The following BEND3 variants were observed in gnomAD, a reference collection of about 807,000 sequenced individuals.
BEND3 encodes BEN domain containing 3.
Under a neutral mutation model 60.1 loss-of-function variants are expected in BEND3, and 13 were observed. The observed-to-expected ratio is 0.22, with a 90% CI of 0.14 to 0.34. The LOEUF (loss-of-function observed/expected upper bound fraction) is 0.34. BEND3 is among the 10% of genes least tolerant of loss of function. BEND3 has a pLI of 1.00. For missense variants in BEND3, 896 were observed against 1,138.1 expected (o/e 0.79, Z 3.06); for synonymous variants, 497 against 491.5 (o/e 1.01, Z -0.15).
rs1317369669 is a variant in BEND3 at position 107,107,939 on chromosome 6, C to A, written c.-12+7151G>T. Among the ~76,000 whole-genome samples, 6 of 152,226 alleles carry A rather than the reference C, an allele frequency of 3.9e-5. No individual in the cohort carries two copies. In the East Asian group the frequency reaches 1.2e-3, roughly 29 times the overall value. On this transcript the variant is annotated intron_variant, in intron 1 of 3. Coordinates refer to ENST00000369042, the MANE Select transcript of BEND3 (RefSeq NM_001367314.1). The stretch of plus-strand genomic sequence containing the variant: ...GAGGAATGTTCCCATGCCATCCACT[C>A]TGGTGCCGCGGGTCTCTGGGTTCAC...
At chr6:107,077,996 C>T (rs1447413412) in intron 3 of BEND3, among the ~76,000 whole-genome samples, 1 of 152,192 alleles carries the variant, frequency 6.6e-6, no homozygotes, top group Admixed American at 6.5e-5. Flanking sequence ...CTCTTGAACA[C>T]TGCCCCACTT....
In BEND3 at chr6:107,070,789, G is replaced by T; in HGVS notation, c.402C>A (p.Ile134=). The T allele has an allele frequency of 6.2e-7, 1 of 1,614,186 alleles. No homozygotes were observed. The highest frequency in any genetic ancestry group is 2.2e-5 in the East Asian group (1 of 44,880). The change falls in exon 4 of 4, where the codon ATC becomes ATA. Residue 134 remains isoleucine (I), a synonymous_variant. Transcript: ENST00000369042. The surrounding 1 kb of genome is among the most constrained non-coding windows in gnomAD (Gnocchi z 6.9). Reference sequence around the variant, plus strand: ...TCTTCTTCTCCATGATCTTGTGCGAGATGCCATACAGAGGCTTCTTGTAGG... The same window carrying T: ...TCTTCTTCTCCATGATCTTGTGCGATATGCCATACAGAGGCTTCTTGTAGG... The part of the protein sequence containing the change: ...TPSYKKPLYG[I]SHKIMEKKNP...
At chr6:107,095,824 C>T (rs1775574530) in intron 3 of BEND3, among the ~76,000 whole-genome samples, 1 of 152,130 alleles carries the variant, frequency 6.6e-6, no homozygotes, top group African/African-American at 2.4e-5. Flanking sequence ...TCCAACTTCA[C>T]GACATTCTGG....
rs1774831248 is a variant in BEND3 at position 107,066,445 on chromosome 6, GA to G, written c.*2258del. On this transcript the variant is annotated 3_prime_UTR_variant, in exon 4 of 4. Transcript: ENST00000369042. ...ATGCCCTACACATGTAAGGTATTAA[GA>G]AAATCACTGAAATACGGTTTCCAAA... The G allele has an allele frequency of 6.6e-6, 1 of 152,648 alleles. No homozygotes were observed. Among genetic ancestry groups the G allele is most frequent in the East Asian group, 1.9e-4 (1 of 5,198 alleles). The allele number at this position is 152,648 out of a possible 1,614,324, so 9.5% of individuals were successfully genotyped here. A position where few individuals can be genotyped will look rare whatever the true frequency, so the allele number is the denominator to read the frequency against.
At chr6:107,108,363 T>G (rs551108966) in intron 1 of BEND3, among the ~76,000 whole-genome samples, 16 of 152,310 alleles carry the variant, frequency 1.1e-4, no homozygotes, top group African/African-American at 3.8e-4. Flanking sequence ...CCTCCTCACA[T>G]GGCTCACAGG....
chr6:107,086,656 C>T (rs1185166235), intron 3 of BEND3, among the ~76,000 whole-genome samples: 2 of 151,968 alleles, frequency 1.3e-5, no homozygotes, highest in African/African-American at 4.8e-5. Flanking sequence ...ATGCTGCCCT[C>T]CCCTTTCCTC....
At chr6:107,081,614 C>T (rs1275389224) in intron 3 of BEND3, among the ~76,000 whole-genome samples, 1 of 152,088 alleles carries the variant, frequency 6.6e-6, no homozygotes, top group South Asian at 2.1e-4. Flanking sequence ...AGTAAATACA[C>T]GTGACCATTT....
At chr6:107,109,394 GAT>G (rs1349822167) in intron 1 of BEND3, among the ~76,000 whole-genome samples, 9 of 132,308 alleles carry the variant, frequency 6.8e-5, no homozygotes, top group Non-Finnish European at 1.4e-4. Context: ...AATGAGCTGA[GAT>G]AGTGCCGTTG....
At chr6:107,081,176 G>A (rs1202716046) in intron 3 of BEND3, among the ~76,000 whole-genome samples, 1 of 151,756 alleles carries the variant, frequency 6.6e-6, no homozygotes, top group African/African-American at 2.4e-5. Flanking sequence ...CCAAAATGCT[G>A]GGATTACAGG....
rs782286034 is a variant in BEND3, at chr6:107,069,465, G to A, written c.1726C>T (p.Arg576Cys). The change falls in exon 4 of 4, where the codon CGC becomes TGC. Residue 576 changes from arginine to cysteine, a missense_variant. This residue lies in a region of BEND3 where 846 missense variants were observed against 1,036.7 expected (regional missense o/e 0.82). Transcript: ENST00000369042. ...SSLSIGNFASRLLVHLFPELF... is the reference protein window; with the variant it reads ...SSLSIGNFASCLLVHLFPELF... ...TCGGGGAACAGGTGCACCAGCAGGC[G>A]CGAGGCGAAGTTGCCGATGGACAGG... 4.3e-6 allele frequency: 7 copies of A among 1,612,166 alleles called. No individual in the cohort carries two copies. The highest frequency in any genetic ancestry group is 5.1e-6 in the Non-Finnish European group (6 of 1,179,880).
chr6:107,113,682 T>C (rs1770176320), intron 1 of BEND3, among the ~76,000 whole-genome samples: 1 of 152,100 alleles, frequency 6.6e-6, no homozygotes, highest in Non-Finnish European at 1.5e-5. Flanking sequence ...ATAAAAAATC[T>C]TGCCCAAGTC....
At chr6:107,112,546 C>T (rs1770129917) in intron 1 of BEND3, among the ~76,000 whole-genome samples, 1 of 151,884 alleles carries the variant, frequency 6.6e-6, no homozygotes, top group Non-Finnish European at 1.5e-5. Context: ...GATGGCATCT[C>T]TGGTATCAAC....
intron 3 of BEND3, among the ~76,000 whole-genome samples, chr6:107,083,302 G>A (rs1554233778): frequency 6.6e-6 from 1 of 152,042 alleles, no homozygotes; most frequent in Non-Finnish European, 1.5e-5. Context: ...AGTCAAGGGT[G>A]GAATATTTCT....
In BEND3 at chr6:107,066,610, C is replaced by T. The variant is rs1774835205; in HGVS notation, c.*2094G>A. 3 of 152,586 alleles carry T rather than the reference C, an allele frequency of 2.0e-5. No individual in the cohort carries two copies. Among genetic ancestry groups the T allele is most frequent in the Admixed American group, 1.3e-4 (2 of 15,272 alleles). The allele number at this position is 152,586 out of a possible 1,614,324, so 9.5% of individuals were successfully genotyped here. ...CTAAAGTTGCAGGGTCAACATTCCA[C>T]CCTCTAGAAAGCAGGGCAATTCATG... On this transcript the variant is annotated 3_prime_UTR_variant, in exon 4 of 4. Coordinates refer to ENST00000369042, the MANE Select transcript of BEND3 (RefSeq NM_001367314.1).
rs1269880009 is a variant in BEND3, at chr6:107,065,524, C to T, written c.*3180G>A. The stretch of plus-strand genomic sequence containing the variant: ...AGTAATAGCCCCTTGGCCCTCACCC[C>T]CACTTCATGTATCTATACAGTCGAT... On this transcript the variant is annotated 3_prime_UTR_variant, in exon 4 of 4. Coordinates refer to ENST00000369042, the MANE Select transcript of BEND3 (RefSeq NM_001367314.1). The T allele has an allele frequency of 7.9e-6, 1 of 127,228 alleles. No individual in the cohort carries two copies. Among genetic ancestry groups the T allele is most frequent in the Non-Finnish European group, 1.7e-5 (1 of 57,626 alleles). The allele number at this position is 127,228 out of a possible 1,614,324, so 7.9% of individuals were successfully genotyped here.
chr6:107,097,394 C>G (rs1470265755), intron 3 of BEND3, among the ~76,000 whole-genome samples: 1 of 150,532 alleles, frequency 6.6e-6, no homozygotes, highest in Non-Finnish European at 1.5e-5. Context: ...AAATTAAAGC[C>G]CAAATAAATT....
In BEND3 at chr6:107,066,714, G is replaced by A. The variant is rs574307562; in HGVS notation, c.*1990C>T. 6 of 152,766 alleles carry A rather than the reference G, an allele frequency of 3.9e-5. No homozygotes were observed. The South Asian group carries it at 1.0e-3, about 26-fold the overall frequency. The allele number at this position is 152,766 out of a possible 1,614,324, so 9.5% of individuals were successfully genotyped here. On this transcript the variant is annotated 3_prime_UTR_variant, in exon 4 of 4. Transcript: ENST00000369042. ...CCGCCTCCAGCCCCCAACAACCAGC[G>A]GTGGGAAGGGGGAGGTGGTGGGAGA...
intron 1 of BEND3, among the ~76,000 whole-genome samples, chr6:107,109,457 A>AAAAAAAAAAAAAAAG (rs1562318498): frequency 6.7e-6 from 1 of 149,662 alleles, no homozygotes; most frequent in Non-Finnish European, 1.5e-5. Context: ...AAAAAAAAAA[A>AAAAAAAAAAAAAAAG]ATCGAGGTGG....
chr6:107,075,792 G>A (rs1343574315), intron 3 of BEND3, among the ~76,000 whole-genome samples: 1 of 152,134 alleles, frequency 6.6e-6, no homozygotes, highest in Non-Finnish European at 1.5e-5. Flanking sequence ...GGGGAGAAAT[G>A]AGTACAGGGA....
Sources: gnomAD v4.1 joint callset for allele counts (sites outside exome capture counted in the v4.1 genomes callset) on GRCh38, gnomAD v4.1.1 for gene constraint, gnomAD v4.1.1 regional missense constraint, Gnocchi (gnomAD v3.1) non-coding constraint, MANE v1.5 for transcripts, NCBI Gene and HGNC (gene_info 2026-07-23, HGNC 2026-07-21) for gene names.